SHB: variants seen among roughly 807,000 people sequenced by gnomAD.
SHB encodes the protein SH2 domain containing adaptor protein B, also known as SH2 domain-containing adapter protein B.
SHB carries 20 observed loss-of-function variants against 52.3 expected under a neutral mutation model. That is an observed-to-expected ratio of 0.38 (90% CI 0.27 to 0.56). The LOEUF (loss-of-function observed/expected upper bound fraction) is 0.56. Ranked by LOEUF, SHB falls within the 20% of genes least tolerant of loss-of-function variation. The pLI, the probability that SHB is intolerant of heterozygous loss-of-function variation, is 0.71. For missense variants in SHB, 825 were observed against 723.3 expected, an observed-to-expected ratio of 1.14 and a Z score of -1.61; for synonymous variants, 397 against 316.5, an observed-to-expected ratio of 1.25 and a Z score of -2.70.
At chr9:37,993,960 G>A (rs1400455576) in intron 2 of SHB, among the ~76,000 whole-genome samples, 1 of 152,218 alleles carries the variant, frequency 6.6e-6, no homozygotes, top group Non-Finnish European at 1.5e-5. Context: ...GGCAATGGGT[G>A]GAACATGGCT....
At chr9:38,061,669 G>A (rs192200304) in intron 1 of SHB, among the ~76,000 whole-genome samples, 1 of 152,186 alleles carries the variant, frequency 6.6e-6, no homozygotes, top group South Asian at 2.1e-4. Context: ...CAAGTCATGG[G>A]GGTTAAGCCC....
At chr9:37,960,570 G>A (rs1163375996) in intron 3 of SHB, among the ~76,000 whole-genome samples, 1 of 152,214 alleles carries the variant, frequency 6.6e-6, no homozygotes, top group Non-Finnish European at 1.5e-5. Flanking sequence ...ATGGAAGAGA[G>A]AGGCTGGTCA....
At chr9:38,014,343 A>G (rs2118073323) in intron 2 of SHB, among the ~76,000 whole-genome samples, 1 of 152,392 alleles carries the variant, frequency 6.6e-6, no homozygotes, top group East Asian at 1.9e-4. Flanking sequence ...TGCAGGCCGC[A>G]GGCCACAGCC....
At chr9:38,045,877 G>A (rs1440890334) in intron 1 of SHB, among the ~76,000 whole-genome samples, 1 of 152,108 alleles carries the variant, frequency 6.6e-6, no homozygotes, top group African/African-American at 2.4e-5. Context: ...AAAACAATCA[G>A]GTCAAAATGG....
At chr9:37,978,729 A>T (rs904558472) in intron 2 of SHB, among the ~76,000 whole-genome samples, 1 of 152,240 alleles carries the variant, frequency 6.6e-6, no homozygotes, top group Non-Finnish European at 1.5e-5. Context: ...AAGTACAGAC[A>T]TCCACAACAC....
In SHB at chr9:38,043,914, G is replaced by A. The variant is rs373148554; in HGVS notation, c.717+24015C>T. Among the ~76,000 whole-genome samples, 9 of 151,858 alleles carry A rather than the reference G, an allele frequency of 5.9e-5. No individual in the cohort carries two copies. The East Asian group carries it at 9.7e-4, about 16-fold the overall frequency. On this transcript the variant is annotated intron_variant, in intron 1 of 5. Coordinates refer to ENST00000377707, the MANE Select transcript of SHB (RefSeq NM_003028.3). ...CAAAAAAAAAAAAAAATTAAGAAAA[G>A]AAACCATTCTCCCTGAACGCACTGG...
At position 37,932,099 on chromosome 9, in the gene SHB, C is replaced by T. The variant is rs191647033; in HGVS notation, c.1347-12095G>A. On this transcript the variant is annotated intron_variant, in intron 5 of 5. Coordinates refer to ENST00000377707, the MANE Select transcript of SHB (RefSeq NM_003028.3). ...GAGTTCGAGACCAGCCTGGTCAACA[C>T]GATGAAACCCCGTCTCTACTAAAAA... 7.9e-5 allele frequency among the ~76,000 whole-genome samples: 12 copies of T among 151,650 alleles called. 1 individual carries two copies. Among genetic ancestry groups the T allele is most frequent in the Middle Eastern group, 3.4e-3 (1 of 294 alleles).
intron 2 of SHB, among the ~76,000 whole-genome samples, chr9:37,990,780 C>G (rs879696508): frequency 1.3e-5 from 2 of 152,318 alleles, no homozygotes; most frequent in Admixed American, 6.5e-5. Context: ...AGTCTATGAA[C>G]AGGAAAACAA....
chr9:37,923,311 C>T (rs893743618), intron 5 of SHB, among the ~76,000 whole-genome samples: 5 of 152,314 alleles, frequency 3.3e-5, no homozygotes, highest in African/African-American at 7.2e-5. Context: ...GCAGGGCTGA[C>T]GGCAGGTCAG....
At chr9:38,039,855 C>A (rs925767646) in intron 1 of SHB, among the ~76,000 whole-genome samples, 7 of 152,190 alleles carry the variant, frequency 4.6e-5, no homozygotes, top group East Asian at 1.9e-4. Flanking sequence ...GCTCGAGGGG[C>A]GAGGGGAGAG....
At chr9:37,962,703 C>T (rs889477144) in intron 3 of SHB, among the ~76,000 whole-genome samples, 1 of 151,680 alleles carries the variant, frequency 6.6e-6, no homozygotes, top group African/African-American at 2.4e-5. Flanking sequence ...GTAGAGGTGG[C>T]CTCTCGCTAT....
chr9:38,031,923 C>A (rs140605734), intron 1 of SHB, among the ~76,000 whole-genome samples: 2 of 152,322 alleles, frequency 1.3e-5, no homozygotes, highest in Non-Finnish European at 2.9e-5. Flanking sequence ...CAAGGGGAGG[C>A]AGGCCCCTTG....
At chr9:38,032,882 A>G (rs1333128678) in intron 1 of SHB, among the ~76,000 whole-genome samples, 2 of 152,188 alleles carry the variant, frequency 1.3e-5, no homozygotes, top group African/African-American at 4.8e-5. Flanking sequence ...CAGGCAGAGG[A>G]GGGAATGACA....
At chr9:38,050,323 A>G (rs983960918) in intron 1 of SHB, among the ~76,000 whole-genome samples, 7 of 152,240 alleles carry the variant, frequency 4.6e-5, no homozygotes, top group Admixed American at 4.6e-4. Flanking sequence ...CCATGCCCCA[A>G]TTAAGTCTAA....
Position 37,977,275 on chromosome 9 carries a change from G to A in SHB, c.839-2438C>T, listed in dbSNP as rs117678793. Among the ~76,000 whole-genome samples the A allele has an allele frequency of 1.2e-4, 19 of 152,280 alleles. 1 individual carries two copies. The highest frequency in any genetic ancestry group is 1.2e-3 in the East Asian group (6 of 5,190). The stretch of plus-strand genomic sequence containing the variant: ...GCTGATGCCTGCTGGGAAGCTGAGC[G>A]TGGGGCTTGCTTTCTCTGCTGAGAG... On this transcript the variant is annotated intron_variant, in intron 2 of 5. Coordinates refer to ENST00000377707, the MANE Select transcript of SHB (RefSeq NM_003028.3).
At chr9:37,972,956 G>A (rs1404720866) in intron 3 of SHB, among the ~76,000 whole-genome samples, 1 of 152,198 alleles carries the variant, frequency 6.6e-6, no homozygotes, top group Admixed American at 6.5e-5. Context: ...GATTGTCAGT[G>A]TGGTAGGAAT....
At chr9:37,939,893 G>A (rs1298453880) in intron 5 of SHB, among the ~76,000 whole-genome samples, 1 of 152,188 alleles carries the variant, frequency 6.6e-6, no homozygotes, top group South Asian at 2.1e-4. Flanking sequence ...ATCAGGCCCT[G>A]TGCTGGGCAT....
chr9:37,916,484 G>A lies in SHB; in HGVS notation c.*3337C>T, dbSNP rs1832100572. Reference sequence around the variant, plus strand: ...TCAGCATCTTACAAAGGGGGCCGCTGGTTCTGGGAATGGGCAGAGGGAGCC... The same window carrying A: ...TCAGCATCTTACAAAGGGGGCCGCTAGTTCTGGGAATGGGCAGAGGGAGCC... On this transcript the variant is annotated 3_prime_UTR_variant, in exon 6 of 6. Transcript: ENST00000377707. Among the ~76,000 whole-genome samples, 1 of 152,230 alleles carries A rather than the reference G, an allele frequency of 6.6e-6. No individual in the cohort carries two copies. The highest frequency in any genetic ancestry group is 2.4e-5 in the African/African-American group (1 of 41,460).
At chr9:38,038,664 G>A (rs1048683989) in intron 1 of SHB, among the ~76,000 whole-genome samples, 1 of 152,220 alleles carries the variant, frequency 6.6e-6, no homozygotes, top group Non-Finnish European at 1.5e-5. Flanking sequence ...TCCTGCCCCA[G>A]CCCAGTGCCT....
Sources: gnomAD v4.1 joint callset for allele counts (sites outside exome capture counted in the v4.1 genomes callset) on GRCh38, gnomAD v4.1.1 for gene constraint, MANE v1.5 for transcripts, NCBI Gene and HGNC (gene_info 2026-07-23, HGNC 2026-07-21) for gene names.